Variants in RNF220 observed in about 807,000 individuals in gnomAD.
The protein encoded by RNF220 is ring finger protein 220.
A neutral mutation model predicts 67.1 loss-of-function variants in RNF220; 7 were observed. The ratio of observed to expected loss-of-function variants is 0.10; its 90% confidence interval spans 0.06 to 0.20. The LOEUF is 0.20. Ranked by LOEUF, RNF220 falls within the 10% of genes least tolerant of loss-of-function variation. The pLI is 1.00. For synonymous variants in RNF220, 270 were observed against 283.2 expected, an observed-to-expected ratio of 0.95 and a Z score of 0.47; for missense variants, 565 against 740.3, an observed-to-expected ratio of 0.76 and a Z score of 2.75.
At position 44,412,786 on chromosome 1, in the gene RNF220, C is replaced by T; in HGVS notation, c.625+64C>T. Reference sequence around the variant, plus strand: ...AGCCCTGCCTCACCGTGATGTTCAACAGGTCGGTGGCGTTTTGCATGCTCC... The same window carrying T: ...AGCCCTGCCTCACCGTGATGTTCAATAGGTCGGTGGCGTTTTGCATGCTCC... On this transcript the variant is annotated intron_variant, in intron 2 of 14. Transcript: ENST00000361799. The surrounding 1 kb of genome is among the most constrained non-coding windows in gnomAD (Gnocchi z 5.3). 1 of 1,550,964 alleles carries T rather than the reference C, an allele frequency of 6.4e-7. No homozygotes were observed. Among genetic ancestry groups the T allele is most frequent in the Non-Finnish European group, 8.7e-7 (1 of 1,146,360 alleles).
chr1:44,476,171 A>G (rs1240507967), intron 2 of RNF220, among the ~76,000 whole-genome samples: 3 of 152,030 alleles, frequency 2.0e-5, no homozygotes, highest in Admixed American at 1.3e-4. Context: ...AGGGGGAGAA[A>G]AATCTGAGAT....
intron 2 of RNF220, among the ~76,000 whole-genome samples, chr1:44,421,270 A>G (rs1649182809): frequency 2.0e-5 from 3 of 152,172 alleles, no homozygotes; most frequent in South Asian, 4.1e-4. Context: ...CTGAAATTTT[A>G]TATTACTGGA....
chr1:44,556,620 C>T (rs1663108613), intron 2 of RNF220, among the ~76,000 whole-genome samples: 1 of 151,284 alleles, frequency 6.6e-6, no homozygotes, highest in Non-Finnish European at 1.5e-5. Context: ...AGTGCAGTGG[C>T]ATGATCTTGG....
At chr1:44,463,688 G>A (rs562280510) in intron 2 of RNF220, among the ~76,000 whole-genome samples, 1 of 152,250 alleles carries the variant, frequency 6.6e-6, no homozygotes, top group Admixed American at 6.5e-5. Flanking sequence ...TAGACAATTG[G>A]TGTATAATTG....
In RNF220 at chr1:44,622,235, G is replaced by C. The variant is rs1481913644; in HGVS notation, c.759-507G>C. 6.6e-6 allele frequency among the ~76,000 whole-genome samples: 1 copy of C among 152,212 alleles called. No homozygotes were observed. The highest frequency in any genetic ancestry group is 1.5e-5 in the Non-Finnish European group (1 of 68,028). ...TTCAGGGCCCAGCTCCCGCCTGCCT[G>C]CCGCGCCCGATGCCGGAGGGCCTGG... On this transcript the variant is annotated intron_variant, in intron 3 of 14. Coordinates refer to ENST00000361799, the MANE Select transcript of RNF220 (RefSeq NM_018150.4). This position sits in a 1 kb window ranked among gnomAD's most constrained non-coding sequence, Gnocchi z 4.3.
chr1:44,623,235 T>G (rs1018631524), intron 4 of RNF220, among the ~76,000 whole-genome samples: 2 of 151,916 alleles, frequency 1.3e-5, no homozygotes, highest in African/African-American at 2.4e-5. Flanking sequence ...GTGTGTGTGT[T>G]TGTGTGTACT....
At chr1:44,444,856 GCCTGAGTTT>G (rs1379648073) in intron 2 of RNF220, among the ~76,000 whole-genome samples, 1 of 152,136 alleles carries the variant, frequency 6.6e-6, no homozygotes, top group Non-Finnish European at 1.5e-5. Flanking sequence ...GGTGTACAGG[GCCTGAGTTT>G]CCTGAGGGTA....
In RNF220 at chr1:44,445,984, G is replaced by A. The variant is rs151002016; in HGVS notation, c.625+33262G>A. 6.5e-3 allele frequency among the ~76,000 whole-genome samples: 993 copies of A among 152,302 alleles called. 5 individuals carry two copies. Among genetic ancestry groups the A allele is most frequent in the African/African-American group, 0.019 (795 of 41,570 alleles). On this transcript the variant is annotated intron_variant, in intron 2 of 14. Coordinates refer to ENST00000361799, the MANE Select transcript of RNF220 (RefSeq NM_018150.4). ...TATTACTGGTATTGGGTATGATTGGGTGCCAATCTGTTTTCCTTATTAGAC... is the reference window on the plus strand; with the variant it reads ...TATTACTGGTATTGGGTATGATTGGATGCCAATCTGTTTTCCTTATTAGAC...
rs763573733 is a variant in RNF220 at position 44,626,278 on chromosome 1, G to A, written c.805-19G>A. ...GGTCTCATTTGGCCTGAGGCCACATGTCTTTTTTCTTCTTCCAGTCCCTCC... is the reference window on the plus strand; with the variant it reads ...GGTCTCATTTGGCCTGAGGCCACATATCTTTTTTCTTCTTCCAGTCCCTCC... On this transcript the variant is annotated intron_variant, in intron 4 of 14. Coordinates refer to ENST00000361799, the MANE Select transcript of RNF220 (RefSeq NM_018150.4). The A allele has an allele frequency of 6.2e-7, 1 of 1,603,270 alleles. No individual in the cohort carries two copies. Among genetic ancestry groups the A allele is most frequent in the Non-Finnish European group, 8.5e-7 (1 of 1,170,316 alleles).
chr1:44,577,631 A>G (rs1664906327), intron 2 of RNF220, among the ~76,000 whole-genome samples: 1 of 152,246 alleles, frequency 6.6e-6, no homozygotes, highest in Non-Finnish European at 1.5e-5. Context: ...AAAAGATACA[A>G]GATACTTAAG....
At chr1:44,489,316 A>G (rs796496782) in intron 2 of RNF220, among the ~76,000 whole-genome samples, 28 of 152,344 alleles carry the variant, frequency 1.8e-4, no homozygotes, top group South Asian at 6.2e-4. Flanking sequence ...CAAGCATTTG[A>G]TACTAAGAGA....
At chr1:44,562,455 C>A (rs1442832132) in intron 2 of RNF220, among the ~76,000 whole-genome samples, 1 of 152,186 alleles carries the variant, frequency 6.6e-6, no homozygotes, top group African/African-American at 2.4e-5. Context: ...GCCTCGCTGA[C>A]TTTGGAGGTG....
chr1:44,644,659 T>G, intron 8 of RNF220, 39 bp from the exon 9 acceptor site: 2 of 1,560,076 alleles, frequency 1.3e-6, no homozygotes, highest in Non-Finnish European at 1.8e-6. Context: ...CTTGGCCTCG[T>G]CTTGTCCCCA....
intron 2 of RNF220, among the ~76,000 whole-genome samples, chr1:44,418,913 C>T (rs1648904865): frequency 6.6e-6 from 1 of 152,026 alleles, no homozygotes; most frequent in African/African-American, 2.4e-5. Context: ...ATTTTTAACT[C>T]TTATTAACCA....
intron 2 of RNF220, among the ~76,000 whole-genome samples, chr1:44,519,883 G>A (rs1558006167): frequency 6.6e-6 from 1 of 152,120 alleles, no homozygotes; most frequent in Non-Finnish European, 1.5e-5. Context: ...ACTTCTAGGG[G>A]CAGTTGGTAA....
At chr1:44,478,513 G>A (rs577804164) in intron 2 of RNF220, among the ~76,000 whole-genome samples, 82 of 152,170 alleles carry the variant, frequency 5.4e-4, no homozygotes, top group African/African-American at 1.9e-3. Context: ...CCTGAAGCTA[G>A]GAGCTCGAGA....
intron 2 of RNF220, among the ~76,000 whole-genome samples, chr1:44,480,293 G>T (rs919849957): frequency 2.6e-5 from 4 of 152,098 alleles, no homozygotes; most frequent in Admixed American, 6.5e-5. Flanking sequence ...TGTAGTCCCA[G>T]CTACTCAGGG....
chr1:44,538,345 G>T (rs114488034), intron 2 of RNF220, among the ~76,000 whole-genome samples: 1 of 152,006 alleles, frequency 6.6e-6, no homozygotes, highest in African/African-American at 2.4e-5. Flanking sequence ...GCCCCTTCTT[G>T]AAACGATCCC....
chr1:44,501,711 G>T (rs1657901567), intron 2 of RNF220, among the ~76,000 whole-genome samples: 1 of 152,048 alleles, frequency 6.6e-6, no homozygotes. Context: ...CACAGCGGCG[G>T]CGGCAGAGCA....
Sources: allele counts gnomAD v4.1 joint callset (sites outside exome capture counted in the v4.1 genomes callset), GRCh38; gene constraint gnomAD v4.1.1; non-coding constraint Gnocchi (gnomAD v3.1); transcripts MANE v1.5; gene names NCBI Gene and HGNC (gene_info 2026-07-23, HGNC 2026-07-21).